Variants in CDT1 observed in about 807,000 individuals in gnomAD.
CDT1 encodes the protein DNA replication factor Cdt1.
A neutral mutation model predicts 49.3 loss-of-function variants in CDT1; 66 were observed. The ratio of observed to expected loss-of-function variants is 1.34; its 90% CI spans 1.10 to 1.64. The LOEUF is 1.64. CDT1 is among the 40% of genes most tolerant of loss of function. CDT1 has a pLI of 0.00. For missense variants in CDT1, 958 were observed against 807.7 expected (o/e 1.19, Z -2.26); for synonymous variants, 424 against 347.4 (o/e 1.22, Z -2.45).
In CDT1 at chr16:88,804,790, T is replaced by C. The variant is rs1347748413; in HGVS notation, c.380T>C (p.Leu127Pro). Residue 127 changes from leucine to proline, a missense_variant, in exon 3 of 10, where the codon CTG becomes CCG. By Grantham distance (98) the Leu-to-Pro change is moderately conservative. Coordinates refer to ENST00000301019, the MANE Select transcript of CDT1 (RefSeq NM_030928.4). Reference protein sequence around the residue: ...QDTISELASCLQRARELGARV... With the variant: ...QDTISELASCPQRARELGARV... ...ACCATCTCTGAGCTTGCGTCATGCC[T>C]GCAACGGGCCCGGGAGCTGGGGGCA... 4.3e-6 allele frequency: 7 copies of C among 1,612,624 alleles called. No homozygotes were observed. Among genetic ancestry groups the C allele is most frequent in the Non-Finnish European group, 5.9e-6 (7 of 1,179,864 alleles).
chr16:88,804,897 T>C lies in CDT1; in HGVS notation c.487T>C (p.Cys163Arg). Residue 163 changes from cysteine (C) to arginine (R), a missense_variant and splice_region_variant, in exon 3 of 10, where the codon TGT (cysteine) becomes CGT (arginine). Transcript: ENST00000301019. The stretch of plus-strand genomic sequence containing the variant: ...GGCCGAGGGCCGCCCTGAGGAGCCA[T>C]GGTGAGTGCTGGGTGGGCGGCCACG... ...PEAEGRPEEP[C>R]GEKAPAYQRF... is the part of the protein sequence containing the mutation. 1.9e-6 allele frequency: 3 copies of C among 1,563,200 alleles called. No individual in the cohort carries two copies. The highest frequency in any genetic ancestry group is 1.9e-5 in the Admixed American group (1 of 53,032).
At position 88,804,850 on chromosome 16, in the gene CDT1, C is replaced by G; in HGVS notation, c.440C>G (p.Ala147Gly). ...VRALKASAQD[A>G]GESCTPEAEG... ...GCGCTGAAGGCCAGTGCCCAGGATGCTGGGGAGTCCTGCACCCCAGAGGCC... is the reference window on the plus strand; with the variant it reads ...GCGCTGAAGGCCAGTGCCCAGGATGGTGGGGAGTCCTGCACCCCAGAGGCC... Residue 147 changes from alanine (A) to glycine (G), a missense_variant, in exon 3 of 10, where the codon GCT becomes GGT. Coordinates refer to ENST00000301019, the MANE Select transcript of CDT1 (RefSeq NM_030928.4). The G allele has an allele frequency of 1.2e-6, 2 of 1,609,580 alleles. No homozygotes were observed. The highest frequency in any genetic ancestry group is 2.2e-5 in the East Asian group (1 of 44,760).
Position 88,806,592 on chromosome 16 carries a change from C to T in CDT1, c.1040C>T (p.Ala347Val), listed in dbSNP as rs762939263. 40 of 1,608,160 alleles carry T rather than the reference C, an allele frequency of 2.5e-5. No homozygotes were observed. In the East Asian group the frequency reaches 3.4e-4, roughly 13 times the overall value. The change falls in exon 7 of 10, where the codon GCG (alanine) becomes GTG (valine). Residue 347 changes from alanine (A) to valine (V), a missense_variant. Physicochemically the swap from Ala to Val is moderately conservative, Grantham distance 64. Transcript: ENST00000301019. ...VDEVPDIEPAALPQPPATEKL... is the reference protein window; with the variant it reads ...VDEVPDIEPAVLPQPPATEKL... ...GAAGTACCCGACATCGAGCCGGCCG[C>T]GCTGCCCCAGCCACCCGCCACGGAG... is the stretch of plus-strand genomic sequence containing the variant.
chr16:88,806,881 A>C (rs2142945286), intron 7 of CDT1, among the ~76,000 whole-genome samples, 170 bp from the exon 8 acceptor site: 1 of 152,274 alleles, frequency 6.6e-6, no homozygotes, highest in African/African-American at 2.4e-5. Context: ...CCATGTGGGG[A>C]GTTGGCCTGG....
chr16:88,803,853 G>A lies in CDT1; in HGVS notation c.22G>A (p.Asp8Asn). 6.7e-7 allele frequency: 1 copy of A among 1,492,018 alleles called. No homozygotes were observed. The highest frequency in any genetic ancestry group is 1.2e-5 in the South Asian group (1 of 84,656). 92.4% of individuals were successfully genotyped at this position (1,492,018 alleles called of 1,614,324 possible). A position where few individuals can be genotyped will look rare whatever the true frequency, so the allele number is the denominator to read the frequency against. The change falls in exon 1 of 10, where the codon GAC (aspartate) becomes AAC (asparagine). Residue 8 changes from aspartate to asparagine, a missense_variant. Transcript: ENST00000301019. The part of the protein sequence containing the change: MEQRRVT[D>N]FFARRRPGPP... ...CGCCATGGAGCAGCGCCGCGTCACCGACTTCTTCGCGCGCCGCCGCCCCGG... is the reference window on the plus strand; with the variant it reads ...CGCCATGGAGCAGCGCCGCGTCACCAACTTCTTCGCGCGCCGCCGCCCCGG...
rs1277678073 is a variant in CDT1 at position 88,808,539 on chromosome 16, G to A, written c.*261G>A. 3 of 541,986 alleles carry A rather than the reference G, an allele frequency of 5.5e-6. No individual in the cohort carries two copies. Among genetic ancestry groups the A allele is most frequent in the Admixed American group, 3.3e-5 (1 of 30,442 alleles). The allele number at this position is 541,986 out of a possible 1,614,324, so 33.6% of individuals were successfully genotyped here. On this transcript the variant is annotated 3_prime_UTR_variant, in exon 10 of 10. Coordinates refer to ENST00000301019, the MANE Select transcript of CDT1 (RefSeq NM_030928.4). ...CTGTCCTTGCTGCTGGTGGGGAAGGGAAGCCAGATCCAGCACCCCCTGGGG... is the reference window on the plus strand; with the variant it reads ...CTGTCCTTGCTGCTGGTGGGGAAGGAAAGCCAGATCCAGCACCCCCTGGGG...
At chr16:88,807,844 C>T (rs1216406519) in intron 9 of CDT1, among the ~76,000 whole-genome samples, 1 of 152,240 alleles carries the variant, frequency 6.6e-6, no homozygotes, top group Non-Finnish European at 1.5e-5. Flanking sequence ...CTACAGGGCA[C>T]CTCCTGCCTC....
At chr16:88,807,990 C>T (rs1908931872) in intron 9 of CDT1, 125 bp from the exon 10 acceptor site, 3 of 1,059,756 alleles carry the variant, frequency 2.8e-6, no homozygotes, top group Non-Finnish European at 4.3e-6. Flanking sequence ...GCCCTAAGTC[C>T]TGGTGATGGG....
Position 88,808,259 on chromosome 16 carries a change from G to C in CDT1, c.1622G>C (p.Arg541Pro), listed in dbSNP as rs558748090. ...HITARLAHQTRAEEGL is the reference protein window; with the variant it reads ...HITARLAHQTPAEEGL ...ACTGCACGCCTGGCCCACCAGACAC[G>C]TGCTGAGGAGGGGCTGTGAGCCTGG... Residue 541 changes from arginine to proline, a missense_variant, in exon 10 of 10, where the codon CGT (arginine) becomes CCT (proline). Coordinates refer to ENST00000301019, the MANE Select transcript of CDT1 (RefSeq NM_030928.4). 1.3e-6 allele frequency: 2 copies of C among 1,595,496 alleles called. No homozygotes were observed. Among genetic ancestry groups the C allele is most frequent in the Non-Finnish European group, 1.7e-6 (2 of 1,171,698 alleles).
rs1909002405 is a variant in CDT1, at chr16:88,809,235, A to C, written c.*957A>C. 1 of 355,486 alleles carries C rather than the reference A, an allele frequency of 2.8e-6. No homozygotes were observed. The highest frequency in any genetic ancestry group is 2.1e-5 in the African/African-American group (1 of 46,712). 22.0% of individuals were successfully genotyped at this position (355,486 alleles called of 1,614,324 possible). ...AGTATTTCTGACCTCCTAAACTCTA[A>C]TAAAGTCATGCTTACAGCCACTAGA... On this transcript the variant is annotated 3_prime_UTR_variant, in exon 10 of 10. Coordinates refer to ENST00000301019, the MANE Select transcript of CDT1 (RefSeq NM_030928.4).
At chr16:88,807,769 C>T (rs563919147) in intron 9 of CDT1, among the ~76,000 whole-genome samples, 98 of 152,284 alleles carry the variant, frequency 6.4e-4, no homozygotes, top group Non-Finnish European at 1.4e-3. Flanking sequence ...AGGGGCCCCA[C>T]ATGCACCCTC....
At position 88,807,328 on chromosome 16, in the gene CDT1, C is replaced by T. The variant is rs1379620181; in HGVS notation, c.1323C>T (p.Cys441=). ...AGCAGCTGGCACAGATGACGCGGTG[C>T]CCGGAGCAGGAGCAGCGGCTGCAGC... The part of the protein sequence containing the change: ...AQKQLAQMTR[C]PEQEQRLQRL... Residue 441 remains cysteine (C), a synonymous_variant, in exon 9 of 10, where the codon TGC becomes TGT. Coordinates refer to ENST00000301019, the MANE Select transcript of CDT1 (RefSeq NM_030928.4). The T allele has an allele frequency of 3.1e-6, 5 of 1,612,570 alleles. No homozygotes were observed. The highest frequency in any genetic ancestry group is 4.2e-6 in the Non-Finnish European group (5 of 1,179,950).
At chr16:88,804,114 C>T (rs1290226963) in intron 1 of CDT1, 55 bp downstream of exon 1, 10 of 1,162,154 alleles carry the variant, frequency 8.6e-6, no homozygotes, top group Non-Finnish European at 1.1e-5. Context: ...AGACTGAGGC[C>T]CGGGGGGCAG....
intron 6 of CDT1, 36 bp from the exon 7 acceptor site, chr16:88,806,450 T>C (rs772203775): frequency 6.2e-7 from 1 of 1,603,876 alleles, no homozygotes; most frequent in Non-Finnish European, 8.5e-7. Flanking sequence ...TTGTCTCAGA[T>C]GTGCCCAGGG....
Position 88,804,893 on chromosome 16 carries a change from G to A in CDT1, c.483G>A (p.Glu161=), listed in dbSNP as rs1908792200. 5.7e-6 allele frequency: 9 copies of A among 1,571,214 alleles called. No homozygotes were observed. The East Asian group carries it at 1.7e-4, about 29-fold the overall frequency. The change falls in exon 3 of 10, where the codon GAG becomes GAA. Residue 161 remains glutamate, a synonymous_variant. Coordinates refer to ENST00000301019, the MANE Select transcript of CDT1 (RefSeq NM_030928.4). ...CAGAGGCCGAGGGCCGCCCTGAGGA[G>A]CCATGGTGAGTGCTGGGTGGGCGGC... The part of the protein sequence containing the change: ...CTPEAEGRPE[E]PCGEKAPAYQ...
chr16:88,807,909 A>G (rs1347509953), intron 9 of CDT1, among the ~76,000 whole-genome samples: 1 of 152,160 alleles, frequency 6.6e-6, no homozygotes, highest in African/African-American at 2.4e-5. Flanking sequence ...CAGGGCCTCA[A>G]CTGTAGGCCT....
intron 9 of CDT1, among the ~76,000 whole-genome samples, chr16:88,807,782 C>T (rs1424778377): frequency 6.6e-6 from 1 of 152,078 alleles, no homozygotes; most frequent in East Asian, 1.9e-4. Flanking sequence ...GCACCCTCCA[C>T]TGCCTCCCAG....
chr16:88,803,792 C>T lies in CDT1; in HGVS notation c.-40C>T, dbSNP rs931087098. 17 of 1,464,480 alleles carry T rather than the reference C, an allele frequency of 1.2e-5. No individual in the cohort carries two copies. The highest frequency in any genetic ancestry group is 4.4e-5 in the African/African-American group (3 of 68,000). The allele number at this position is 1,464,480 out of a possible 1,614,324, so 90.7% of individuals were successfully genotyped here. A position where few individuals can be genotyped will look rare whatever the true frequency, so the allele number is the denominator to read the frequency against. ...CGGGAACCGCGCCCGCCTCTTCCTC[C>T]CTTCCTTCTTTCCTTGCTTTCGCCG... On this transcript the variant is annotated 5_prime_UTR_variant, in exon 1 of 10. Coordinates refer to ENST00000301019, the MANE Select transcript of CDT1 (RefSeq NM_030928.4).
rs1349777378 is a variant in CDT1 at position 88,804,421 on chromosome 16, C to T, written c.229-124C>T. On this transcript the variant is annotated intron_variant, in intron 1 of 9. Transcript: ENST00000301019. ...GCACAGACCACCATCTACGGGAAGT[C>T]CTAAGCCCCCCAGCCATGCCCGTCC... 6.3e-6 allele frequency: 8 copies of T among 1,279,038 alleles called. No individual in the cohort carries two copies. The East Asian group carries it at 1.4e-4, about 22-fold the overall frequency. The allele number at this position is 1,279,038 out of a possible 1,614,324, so 79.2% of individuals were successfully genotyped here. A position where few individuals can be genotyped will look rare whatever the true frequency, so the allele number is the denominator to read the frequency against.
Sources: gnomAD v4.1 joint callset for allele counts (sites outside exome capture counted in the v4.1 genomes callset) on GRCh38, gnomAD v4.1.1 for gene constraint, MANE v1.5 for transcripts, NCBI Gene and HGNC (gene_info 2026-07-23, HGNC 2026-07-21) for gene names.